Variants in SIMC1 observed in about 807,000 individuals in gnomAD.
SIMC1 encodes SUMO-interacting motif-containing protein 1.
SIMC1 carries 55 observed loss-of-function variants against 82.3 expected under a neutral mutation model. That is an observed-to-expected ratio of 0.67 (90% confidence interval 0.54 to 0.84). The LOEUF (loss-of-function observed/expected upper bound fraction) is 0.84. SIMC1 is among the 40% of genes least tolerant of loss of function. The pLI is 0.00. For missense variants in SIMC1, 915 were observed against 1,107.2 expected (o/e 0.83, Z 2.46); for synonymous variants, 353 against 426.3 (o/e 0.83, Z 2.12).
chr5:176,296,062 G>T, intron 3 of SIMC1, 189 bp from the exon 4 acceptor site: 1 of 1,047,556 alleles, frequency 9.5e-7, no homozygotes. Flanking sequence ...AAGGGGACTG[G>T]ATACTGGGTA....
At chr5:176,292,041 G>A (rs546485002) in intron 2 of SIMC1, among the ~76,000 whole-genome samples, 2 of 152,152 alleles carry the variant, frequency 1.3e-5, no homozygotes, top group Non-Finnish European at 2.9e-5. Flanking sequence ...TGGCCACAGA[G>A]CAAGACTCTG....
intron 5 of SIMC1, among the ~76,000 whole-genome samples, chr5:176,320,052 G>A (rs778338731): frequency 2.6e-5 from 4 of 152,112 alleles, no homozygotes; most frequent in Admixed American, 6.6e-5. Context: ...GCGCTGGTTC[G>A]GTTTTACAGA....
intron 2 of SIMC1, 39 bp from the exon 3 acceptor site, chr5:176,294,991 A>G (rs1003623703): frequency 5.7e-6 from 9 of 1,568,840 alleles, no homozygotes; most frequent in African/African-American, 5.6e-5. Flanking sequence ...AAAAAAGAAA[A>G]GAAATCCCTC....
Position 176,253,105 on chromosome 5 carries a change from G to A in SIMC1, c.129+14468G>A, listed in dbSNP as rs193252698. Among the ~76,000 whole-genome samples, 3 of 152,342 alleles carry A rather than the reference G, an allele frequency of 2.0e-5. No individual in the cohort carries two copies. The East Asian group carries it at 5.8e-4, about 29-fold the overall frequency. ...ATGGCAGCAGTACAGTCCAGCTTCG[G>A]CTCGGCATCAGAGGGAGACTGTGGA... On this transcript the variant is annotated intron_variant, in intron 1 of 9. Coordinates refer to ENST00000429602, the MANE Select transcript of SIMC1 (RefSeq NM_001308195.2).
At chr5:176,292,833 G>A (rs765940598) in intron 2 of SIMC1, among the ~76,000 whole-genome samples, 4 of 152,124 alleles carry the variant, frequency 2.6e-5, no homozygotes, top group East Asian at 1.9e-4. Flanking sequence ...GAGCCACCGC[G>A]CCCGGCCCAG....
At chr5:176,312,621 AAAAT>A (rs1480112591) in intron 4 of SIMC1, among the ~76,000 whole-genome samples, 6 of 152,166 alleles carry the variant, frequency 3.9e-5, no homozygotes. Flanking sequence ...GGATTAGAGA[AAAAT>A]AAACACCTTT....
chr5:176,243,685 T>C (rs1296934028), intron 1 of SIMC1, among the ~76,000 whole-genome samples: 2 of 151,980 alleles, frequency 1.3e-5, no homozygotes, highest in South Asian at 4.2e-4. Flanking sequence ...CACGCTTGAC[T>C]AATTTTTTGT....
At position 176,336,865 on chromosome 5, in the gene SIMC1, C is replaced by T; in HGVS notation, c.2317C>T (p.Leu773Phe). 6.2e-7 allele frequency: 1 copy of T among 1,613,992 alleles called. No individual in the cohort carries two copies. The highest frequency in any genetic ancestry group is 2.2e-5 in the East Asian group (1 of 44,888). ...LYFLNNSTSLLKCQSDKSQWQ... is the reference protein window; with the variant it reads ...LYFLNNSTSLFKCQSDKSQWQ... ...CTTTCTGAATAATTCTACGTCACTG[C>T]TCAAGTGTCAGGTACATTTTTTCCT... is the stretch of plus-strand genomic sequence containing the variant. The change falls in exon 8 of 10, where the codon CTC (leucine) becomes TTC (phenylalanine). Residue 773 changes from leucine to phenylalanine, a missense_variant. Coordinates refer to ENST00000429602, the MANE Select transcript of SIMC1 (RefSeq NM_001308195.2).
chr5:176,266,496 A>G (rs1762217314), intron 1 of SIMC1, among the ~76,000 whole-genome samples: 1 of 151,548 alleles, frequency 6.6e-6, no homozygotes, highest in Admixed American at 6.6e-5. Context: ...ATCAGTACCT[A>G]TATTGTGCAA....
chr5:176,323,987 CAAAAAAAAAAA>C (rs754656711), intron 6 of SIMC1, among the ~76,000 whole-genome samples: 17 of 97,004 alleles, frequency 1.8e-4, no homozygotes, highest in South Asian at 3.8e-4. Flanking sequence ...GACTCCATCT[CAAAAAAAAAAA>C]AAAAAAAAAA....
rs569910588 is a variant in SIMC1 at position 176,332,509 on chromosome 5, C to T, written c.2172-4211C>T. Among the ~76,000 whole-genome samples the T allele has an allele frequency of 1.8e-3, 275 of 152,186 alleles. 2 individuals are homozygous for T. The highest frequency in any genetic ancestry group is 3.1e-3 in the Non-Finnish European group (210 of 68,004). ...TTCTCCGTGTTGGTCAGGCTAGTCTCGAACTCCCGACCTCAGGTTATCCAC... is the reference window on the plus strand; with the variant it reads ...TTCTCCGTGTTGGTCAGGCTAGTCTTGAACTCCCGACCTCAGGTTATCCAC... On this transcript the variant is annotated intron_variant, in intron 7 of 9. Coordinates refer to ENST00000429602, the MANE Select transcript of SIMC1 (RefSeq NM_001308195.2).
At chr5:176,335,525 G>T (rs1194678628) in intron 7 of SIMC1, among the ~76,000 whole-genome samples, 1 of 151,546 alleles carries the variant, frequency 6.6e-6, no homozygotes, top group Non-Finnish European at 1.5e-5. Flanking sequence ...CAGTCCACCC[G>T]CCTCGGCCTC....
At chr5:176,343,432 C>G in intron 9 of SIMC1, among the ~76,000 whole-genome samples, 1 of 152,240 alleles carries the variant, frequency 6.6e-6, no homozygotes, top group South Asian at 2.1e-4. Flanking sequence ...CAATTCCACA[C>G]ACTTCTAGAA....
At chr5:176,308,564 G>A in intron 4 of SIMC1, 1 of 1,594,128 alleles carries the variant, frequency 6.3e-7, no homozygotes, top group East Asian at 2.2e-5. Flanking sequence ...GGGCTGGCCG[G>A]GTACTCTACA....
chr5:176,281,478 C>T (rs1467367931), intron 1 of SIMC1, among the ~76,000 whole-genome samples: 7 of 152,168 alleles, frequency 4.6e-5, no homozygotes, highest in South Asian at 2.1e-4. Flanking sequence ...TGAGGAACTG[C>T]GATCCTTTGG....
chr5:176,290,202 GCCATGCCCACCGAGAGCCTCA>G lies in SIMC1; in HGVS notation c.684_704del (p.Pro234_Ser240del), dbSNP rs772931622. ...CCTTGCCGTGCCCCCTGCGACCTTT[GCCATGCCCACCGAGAGCCTCA>G]CCATGTCCACCACGAGCCTCCTCAT... On this transcript the variant is annotated inframe_deletion, in exon 2 of 10. Transcript: ENST00000429602. 4.5e-5 allele frequency: 72 copies of G among 1,602,152 alleles called. No individual in the cohort carries two copies. In the South Asian group the frequency reaches 7.5e-4, roughly 17 times the overall value.
In SIMC1 at chr5:176,330,415, AAG is replaced by A. The variant is rs534936048; in HGVS notation, c.2171+5659_2171+5660del. Among the ~76,000 whole-genome samples the A allele has an allele frequency of 3.0e-3, 454 of 151,904 alleles. 3 individuals carry two copies. Among genetic ancestry groups the A allele is most frequent in the African/African-American group, 0.01 (434 of 41,424 alleles). On this transcript the variant is annotated intron_variant, in intron 7 of 9. Coordinates refer to ENST00000429602, the MANE Select transcript of SIMC1 (RefSeq NM_001308195.2). ...GTCTCCATCTCAAAAAAAAAAAAAAAAGGGAACCAGAATTCCTTGAAGGAATG... is the reference window on the plus strand; with the variant it reads ...GTCTCCATCTCAAAAAAAAAAAAAAAGGAACCAGAATTCCTTGAAGGAATG...
intron 1 of SIMC1, among the ~76,000 whole-genome samples, chr5:176,280,764 T>C (rs1463628122): frequency 6.6e-6 from 1 of 152,212 alleles, no homozygotes; most frequent in Non-Finnish European, 1.5e-5. Flanking sequence ...TGGCCCCCAG[T>C]CTCTTCCGGC....
chr5:176,334,591 C>T (rs1765804706), intron 7 of SIMC1, among the ~76,000 whole-genome samples: 2 of 152,168 alleles, frequency 1.3e-5, no homozygotes, highest in African/African-American at 4.8e-5. Flanking sequence ...CCAACAGGTT[C>T]CCTTACACAC....
Sources: gnomAD v4.1 joint callset for allele counts (sites outside exome capture counted in the v4.1 genomes callset) on GRCh38, gnomAD v4.1.1 for gene constraint, MANE v1.5 for transcripts, NCBI Gene and HGNC (gene_info 2026-07-23, HGNC 2026-07-21) for gene names.